ADGRA3: variants seen among roughly 807,000 people sequenced by gnomAD.
The protein encoded by ADGRA3 is adhesion G protein-coupled receptor A3.
ADGRA3 carries 56 observed loss-of-function variants against 119.8 expected under a neutral mutation model. The observed-to-expected ratio is 0.47, with a 90% CI of 0.38 to 0.58. The LOEUF is 0.58. Ranked by LOEUF, ADGRA3 falls within the 20% of genes least tolerant of loss-of-function variation. The probability of loss-of-function intolerance (pLI) is 0.00; values close to 1 mark genes in which losing one functional copy is unlikely to be tolerated. For missense variants in ADGRA3, 1,516 were observed against 1,649.0 expected (o/e 0.92, Z 1.40); for synonymous variants, 607 against 623.8 (o/e 0.97, Z 0.40).
intron 1 of ADGRA3, among the ~76,000 whole-genome samples, chr4:22,505,571 C>G (rs979322771): frequency 6.7e-6 from 1 of 149,806 alleles, no homozygotes; most frequent in African/African-American, 2.5e-5. Context: ...GGTTTGAGCC[C>G]GGGAGACGGA....
At position 22,388,367 on chromosome 4, in the gene ADGRA3, T is replaced by C. The variant is rs749313362; in HGVS notation, c.3304A>G (p.Ser1102Gly). The C allele has an allele frequency of 1.2e-6, 2 of 1,614,070 alleles. No individual in the cohort carries two copies. The highest frequency in any genetic ancestry group is 1.7e-6 in the Non-Finnish European group (2 of 1,179,996). The change falls in exon 19 of 19, where the codon AGT becomes GGT. Residue 1102 changes from serine (S) to glycine (G), a missense_variant. Around this residue, in one of 2 missense-constraint regions of ADGRA3, gnomAD observed 1,088 missense variants for 1,107.1 expected, o/e 0.98. Transcript: ENST00000334304. ...SSAESSCTNK[S>G]ASSFKNSSQG... ...GAGGAATTTTTGAAGCTTGAAGCAC[T>C]TTTGTTTGTGCATGAAGACTCCGCA...
At chr4:22,466,579 T>C (rs1717666591) in intron 2 of ADGRA3, among the ~76,000 whole-genome samples, 1 of 151,982 alleles carries the variant, frequency 6.6e-6, no homozygotes, top group South Asian at 2.1e-4. Flanking sequence ...ATACAAAAAT[T>C]AGCCAGGCGT....
chr4:22,506,540 G>A (rs1404061734), intron 1 of ADGRA3, among the ~76,000 whole-genome samples: 4 of 151,866 alleles, frequency 2.6e-5, no homozygotes, highest in Admixed American at 1.3e-4. Context: ...GTGACAGAGT[G>A]AGACCCTATC....
In ADGRA3 at chr4:22,436,572, T is replaced by G; in HGVS notation, c.1155A>C (p.Ile385=). 1.2e-6 allele frequency: 2 copies of G among 1,614,108 alleles called. No homozygotes were observed. The highest frequency in any genetic ancestry group is 1.1e-5 in the South Asian group (1 of 91,082). The stretch of plus-strand genomic sequence containing the variant: ...TCTCATCCTGTGGGTTTCCGGGATA[T>G]ATCCCACTGCCATGGGTGTTCCGCG... ...QCTRNTHGSG[I]YPGNPQDERK... is the part of the protein sequence containing the mutation. Residue 385 remains isoleucine, a synonymous_variant, in exon 9 of 19, where the codon ATA becomes ATC. Transcript: ENST00000334304.
At chr4:22,399,676 T>C (rs942449163) in intron 16 of ADGRA3, among the ~76,000 whole-genome samples, 19 of 152,148 alleles carry the variant, frequency 1.2e-4, no homozygotes, top group African/African-American at 4.1e-4. Flanking sequence ...TTCTATCCCA[T>C]TGGCCAATTT....
At chr4:22,434,621 C>T (rs549435662) in intron 10 of ADGRA3, among the ~76,000 whole-genome samples, 11 of 152,224 alleles carry the variant, frequency 7.2e-5, no homozygotes, top group Non-Finnish European at 1.0e-4. Context: ...AAAGTTCTCA[C>T]GAAGCTTTAA....
chr4:22,482,006 G>A (rs1261862758), intron 1 of ADGRA3, among the ~76,000 whole-genome samples: 1 of 152,078 alleles, frequency 6.6e-6, no homozygotes, highest in Non-Finnish European at 1.5e-5. Flanking sequence ...AATCAATTTT[G>A]TCATAAGCAT....
At chr4:22,472,245 C>G (rs191980012) in intron 2 of ADGRA3, among the ~76,000 whole-genome samples, 1 of 152,256 alleles carries the variant, frequency 6.6e-6, no homozygotes, top group East Asian at 1.9e-4. Context: ...TTGCAGGGAA[C>G]AGAAAACATA....
At chr4:22,394,942 A>C (rs1281765722) in intron 16 of ADGRA3, 3 of 152,202 alleles carry the variant, frequency 2.0e-5, no homozygotes, top group Admixed American at 1.3e-4. Context: ...ATTAAAATCT[A>C]GTAGGAAAGA....
Position 22,442,766 on chromosome 4 carries a change from A to G in ADGRA3, c.804T>C (p.Tyr268=), listed in dbSNP as rs926711193. Residue 268 remains tyrosine (Y), a synonymous_variant, in exon 7 of 19, where the codon TAT becomes TAC. Transcript: ENST00000334304. ...DSLPFQCMAS[Y]IDQDMQVLWY... is the part of the protein sequence containing the mutation. ...ACAACACTTGCATGTCCTGATCAAT[A>G]TATGAAGCCATGCACTGGAAAGGAA... 3 of 1,610,762 alleles carry G rather than the reference A, an allele frequency of 1.9e-6. No individual in the cohort carries two copies. The highest frequency in any genetic ancestry group is 2.5e-6 in the Non-Finnish European group (3 of 1,177,214).
chr4:22,471,223 C>T (rs1717848929), intron 2 of ADGRA3, among the ~76,000 whole-genome samples: 1 of 152,092 alleles, frequency 6.6e-6, no homozygotes, highest in Non-Finnish European at 1.5e-5. Flanking sequence ...AGAAAACCAA[C>T]TACCTTATGT....
At chr4:22,423,956 T>C (rs1387944593) in intron 11 of ADGRA3, among the ~76,000 whole-genome samples, 1 of 152,220 alleles carries the variant, frequency 6.6e-6, no homozygotes, top group Admixed American at 6.5e-5. Context: ...TATAAAATGT[T>C]AGAAGAAATT....
intron 1 of ADGRA3, among the ~76,000 whole-genome samples, chr4:22,495,128 C>T (rs948744839): frequency 6.6e-6 from 1 of 151,920 alleles, no homozygotes; most frequent in East Asian, 1.9e-4. Context: ...TCTTATGATC[C>T]ATCCATCTAA....
intron 10 of ADGRA3, among the ~76,000 whole-genome samples, chr4:22,429,339 AGTTATCTTTGTT>A (rs1480940195): frequency 6.6e-6 from 1 of 152,200 alleles, no homozygotes; most frequent in Non-Finnish European, 1.5e-5. Context: ...AAAGGAAAAC[AGTTATCTTTGTT>A]AATGCATCAC....
In ADGRA3 at chr4:22,469,699, A is replaced by T. The variant is rs528334083; in HGVS notation, c.329+4073T>A. Among the ~76,000 whole-genome samples the T allele has an allele frequency of 1.2e-3, 178 of 152,312 alleles. 4 individuals are homozygous for T. The South Asian group carries it at 0.034, about 29-fold the overall frequency. Reference sequence around the variant, plus strand: ...AAAACCCCAGGGGATTCTGATGCACATGAAGTTTGATAACCATGGTCTAGT... The same window carrying T: ...AAAACCCCAGGGGATTCTGATGCACTTGAAGTTTGATAACCATGGTCTAGT... On this transcript the variant is annotated intron_variant, in intron 2 of 18. Coordinates refer to ENST00000334304, the MANE Select transcript of ADGRA3 (RefSeq NM_145290.4).
intron 6 of ADGRA3, among the ~76,000 whole-genome samples, chr4:22,443,768 T>C (rs1336714517): frequency 6.6e-6 from 1 of 152,172 alleles, no homozygotes; most frequent in African/African-American, 2.4e-5. Flanking sequence ...TAGAAGATGA[T>C]ACAAAAAGGT....
At chr4:22,424,429 G>C (rs890126715) in intron 10 of ADGRA3, 77 bp from the exon 11 acceptor site, 18 of 1,491,312 alleles carry the variant, frequency 1.2e-5, no homozygotes, top group African/African-American at 1.4e-5. Context: ...AATCCTAATG[G>C]ACAGTGAGAT....
At chr4:22,414,018 G>A in intron 12 of ADGRA3, 1 of 429,626 alleles carries the variant, frequency 2.3e-6, no homozygotes, top group Non-Finnish European at 4.1e-6. Context: ...GTATAAAACA[G>A]AAATGCAAAC....
At position 22,392,633 on chromosome 4, in the gene ADGRA3, C is replaced by T. The variant is rs1227219051; in HGVS notation, c.2539G>A (p.Ala847Thr). The T allele has an allele frequency of 1.1e-5, 17 of 1,613,628 alleles. No individual in the cohort carries two copies. The Admixed American group carries it at 2.8e-4, about 27-fold the overall frequency. Residue 847 changes from alanine to threonine, a missense_variant, in exon 17 of 19, where the codon GCT becomes ACT. Ala to Thr is a moderately conservative substitution (Grantham distance 58, BLOSUM62 0). Coordinates refer to ENST00000334304, the MANE Select transcript of ADGRA3 (RefSeq NM_145290.4). ...LATVLWVGVT[A>T]RNIYKQVTKK... ...GTGACTTGTTTGTAGATATTTCGAG[C>T]TGTCACTCCTACCCATAGTACTGTG...
Sources: gnomAD v4.1 joint callset for allele counts (sites outside exome capture counted in the v4.1 genomes callset) on GRCh38, gnomAD v4.1.1 for gene constraint, gnomAD v4.1.1 regional missense constraint, MANE v1.5 for transcripts, NCBI Gene and HGNC (gene_info 2026-07-23, HGNC 2026-07-21) for gene names.